PDE10A: variants seen among roughly 807,000 people sequenced by gnomAD.
PDE10A encodes the protein cAMP and cAMP-inhibited cGMP 3',5'-cyclic phosphodiesterase 10A.
In PDE10A, 39 loss-of-function variants were observed where a neutral mutation model predicts 97.7. The observed-to-expected ratio is 0.40, with a 90% CI of 0.31 to 0.52. PDE10A has a LOEUF of 0.52. Among genes scored for constraint, PDE10A ranks in the 20% least tolerant of loss-of-function variants. The pLI, the probability that PDE10A is intolerant of heterozygous loss-of-function variation, is 0.56. For synonymous variants in PDE10A, 371 were observed against 376.8 expected (o/e 0.98, Z 0.18); for missense variants, 731 against 1,047.8 (o/e 0.70, Z 4.17).
intron 18 of PDE10A, among the ~76,000 whole-genome samples, chr6:165,361,542 T>C (rs767699345): frequency 4.4e-4 from 67 of 152,132 alleles, no homozygotes; most frequent in Non-Finnish European, 7.9e-4. Context: ...CCAGACATAA[T>C]TCGTTAAGAT....
intron 1 of PDE10A, among the ~76,000 whole-genome samples, chr6:165,773,807 G>A (rs1778085155): frequency 1.3e-5 from 2 of 152,104 alleles, no homozygotes; most frequent in Admixed American, 1.3e-4. Context: ...CAGAAAAACT[G>A]TCAAATCTGG....
At chr6:165,766,401 A>G (rs1342684617) in intron 1 of PDE10A, among the ~76,000 whole-genome samples, 1 of 152,234 alleles carries the variant, frequency 6.6e-6, no homozygotes, top group African/African-American at 2.4e-5. Context: ...TTCATTTTAA[A>G]GTTTGATATG....
intron 1 of PDE10A, among the ~76,000 whole-genome samples, chr6:165,625,002 G>A (rs1788314468): frequency 6.6e-6 from 1 of 152,190 alleles, no homozygotes; most frequent in Non-Finnish European, 1.5e-5. Flanking sequence ...TGTTCAGTTA[G>A]TACAAAGGCA....
At chr6:165,977,254 T>C (rs977440110) in intron 1 of PDE10A, among the ~76,000 whole-genome samples, 26 of 152,342 alleles carry the variant, frequency 1.7e-4, no homozygotes, top group Middle Eastern at 6.8e-3. Flanking sequence ...TTGGGAAAGA[T>C]AGCAGATTCC....
At chr6:165,787,402 G>A (rs911022493) in intron 1 of PDE10A, among the ~76,000 whole-genome samples, 7 of 152,148 alleles carry the variant, frequency 4.6e-5, no homozygotes, top group Non-Finnish European at 1.0e-4. Context: ...GCTCTGGCCT[G>A]GTGAGCATGT....
At chr6:165,681,187 C>G (rs1233872733) in intron 1 of PDE10A, among the ~76,000 whole-genome samples, 2 of 152,190 alleles carry the variant, frequency 1.3e-5, no homozygotes, top group East Asian at 3.9e-4. Flanking sequence ...ATCCAAGATG[C>G]CTGTGTGGTA....
At chr6:165,829,553 G>A (rs1445365077) in intron 1 of PDE10A, among the ~76,000 whole-genome samples, 4 of 152,234 alleles carry the variant, frequency 2.6e-5, no homozygotes, top group African/African-American at 4.8e-5. Flanking sequence ...CAGGAACCGG[G>A]CAGGTGAAAT....
intron 6 of PDE10A, among the ~76,000 whole-genome samples, chr6:165,434,134 G>T (rs147702711): frequency 6.6e-6 from 1 of 150,936 alleles, no homozygotes; most frequent in Non-Finnish European, 1.5e-5. Context: ...GGATGAATTA[G>T]AACTTCATGA....
chr6:165,607,332 G>A (rs920352463), intron 1 of PDE10A, among the ~76,000 whole-genome samples: 6 of 152,182 alleles, frequency 3.9e-5, no homozygotes, highest in East Asian at 1.9e-4. Flanking sequence ...ATATTATAAC[G>A]AAGCTTAAAA....
chr6:165,385,047 T>C (rs1197566326), intron 17 of PDE10A, among the ~76,000 whole-genome samples: 2 of 152,186 alleles, frequency 1.3e-5, no homozygotes, highest in Non-Finnish European at 2.9e-5. Context: ...GGTATTCATA[T>C]TATGAAACTA....
At chr6:165,932,388 T>G (rs1409920051) in intron 1 of PDE10A, among the ~76,000 whole-genome samples, 1 of 151,894 alleles carries the variant, frequency 6.6e-6, no homozygotes, top group East Asian at 1.9e-4. Flanking sequence ...CAGGCTGGAG[T>G]GTAATGGTAC....
intron 1 of PDE10A, among the ~76,000 whole-genome samples, chr6:165,691,113 C>CA (rs1159210409): frequency 1.8e-5 from 2 of 109,228 alleles, no homozygotes; most frequent in Non-Finnish European, 3.9e-5. Flanking sequence ...CTCTCCCCCC[C>CA]CCCATCAGTG....
At chr6:165,384,363 G>T (rs1031003981) in intron 17 of PDE10A, among the ~76,000 whole-genome samples, 1 of 152,018 alleles carries the variant, frequency 6.6e-6, no homozygotes, top group Non-Finnish European at 1.5e-5. Flanking sequence ...CACAGCGACG[G>T]GCCCCAAACA....
rs768832602 is a variant in PDE10A, at chr6:165,435,299, T to C, written c.1273A>G (p.Thr425Ala). The change falls in exon 6 of 22, where the codon ACC becomes GCC. Residue 425 changes from threonine to alanine, a missense_variant. This residue lies in a region of PDE10A where 152 missense variants were observed against 199.3 expected (regional missense o/e 0.76). Transcript: ENST00000539869. Reference sequence around the variant, plus strand: ...TTGGCCACATAAGCAGAGACGGTGGTGCCCTGAGTGATGGGCCCAGCAGGG... The same window carrying C: ...TTGGCCACATAAGCAGAGACGGTGGCGCCCTGAGTGATGGGCCCAGCAGGG... ...LIPAGPITQG[T>A]TVSAYVAKSR... The C allele has an allele frequency of 1.2e-6, 2 of 1,614,050 alleles. No individual in the cohort carries two copies. Among genetic ancestry groups the C allele is most frequent in the Non-Finnish European group, 1.7e-6 (2 of 1,179,900 alleles).
chr6:165,608,080 ATGTATATATATGTGCATATATATACATG>A (rs1252270946), intron 1 of PDE10A, among the ~76,000 whole-genome samples: 2 of 136,198 alleles, frequency 1.5e-5, no homozygotes, highest in Admixed American at 1.4e-4. Context: ...ATATGTATAT[ATGTATATATATGTGCATATATATACATG>A]TATATATATA....
intron 2 of PDE10A, among the ~76,000 whole-genome samples, chr6:165,513,016 T>C (rs144762582): frequency 6.6e-6 from 1 of 152,192 alleles, no homozygotes; most frequent in East Asian, 1.9e-4. Flanking sequence ...TCTTATTATT[T>C]TGTTTAAGAA....
intron 17 of PDE10A, among the ~76,000 whole-genome samples, 176 bp from the exon 18 acceptor site, chr6:165,379,542 T>G (rs1784812760): frequency 6.6e-6 from 1 of 152,210 alleles, no homozygotes; most frequent in Non-Finnish European, 1.5e-5. Flanking sequence ...AAAACTGCGT[T>G]TTGGTTTCTC....
At chr6:165,970,351 AT>A (rs1425623993) in intron 1 of PDE10A, among the ~76,000 whole-genome samples, 1 of 152,140 alleles carries the variant, frequency 6.6e-6, no homozygotes, top group Non-Finnish European at 1.5e-5. Context: ...TATCACGATT[AT>A]TTTCCTGATT....
At chr6:165,982,536 T>C (rs1168460451) in intron 1 of PDE10A, among the ~76,000 whole-genome samples, 1 of 152,194 alleles carries the variant, frequency 6.6e-6, no homozygotes, top group Non-Finnish European at 1.5e-5. Flanking sequence ...AAGCTACAGG[T>C]ACTAAGAGAA....
Sources: gnomAD v4.1 joint callset for allele counts (sites outside exome capture counted in the v4.1 genomes callset) on GRCh38, gnomAD v4.1.1 for gene constraint, gnomAD v4.1.1 regional missense constraint, MANE v1.5 for transcripts, NCBI Gene and HGNC (gene_info 2026-07-23, HGNC 2026-07-21) for gene names.